Variants in P4HTM observed in about 807,000 individuals in gnomAD.
P4HTM encodes transmembrane prolyl 4-hydroxylase.
A neutral mutation model predicts 55.3 loss-of-function variants in P4HTM; 33 were observed. The observed-to-expected ratio is 0.60, with a 90% CI of 0.45 to 0.80. P4HTM has a LOEUF of 0.80. Ranked by LOEUF, P4HTM falls within the 30% of genes least tolerant of loss-of-function variation. The probability of loss-of-function intolerance (pLI) is 0.00; values close to 1 mark genes in which losing one functional copy is unlikely to be tolerated. For synonymous variants in P4HTM, 272 were observed against 286.4 expected, an observed-to-expected ratio of 0.95 and a Z score of 0.51; for missense variants, 542 against 696.5, an observed-to-expected ratio of 0.78 and a Z score of 2.50.
In P4HTM at chr3:48,998,721, C is replaced by T. The variant is rs112522522; in HGVS notation, c.437-2717C>T. ...TTGTCCTGAAAGGCCTTCGGGGCAC[C>T]GCAGCCAGGGCTGGGGTTGGCAAAC... On this transcript the variant is annotated intron_variant, in intron 2 of 8. Transcript: ENST00000383729. 7.6e-3 allele frequency among the ~76,000 whole-genome samples: 1,154 copies of T among 152,276 alleles called. 9 individuals are homozygous for T. The highest frequency in any genetic ancestry group is 0.026 in the African/African-American group (1,097 of 41,552).
At chr3:48,990,231 CT>C (rs2092926404), upstream of P4HTM, 1 of 1,175,360 alleles carries the variant, frequency 8.5e-7, no homozygotes, top group South Asian at 4.3e-5. This position sits in a 1 kb window ranked among gnomAD's most constrained non-coding sequence, Gnocchi z 7.2. Flanking sequence ...GGCCCCTCCC[CT>C]GGGCGCGCGC....
chr3:48,991,499 G>A (rs1275562926), intron 2 of P4HTM: 2 of 152,482 alleles, frequency 1.3e-5, no homozygotes, highest in Non-Finnish European at 2.9e-5. Context: ...CATCGTTTCT[G>A]AGCTCTAGTT....
At chr3:49,004,516 C>T (rs553331253) in intron 5 of P4HTM, 2 of 560,104 alleles carry the variant, frequency 3.6e-6, no homozygotes, top group South Asian at 2.4e-5. Flanking sequence ...TAAATGACCT[C>T]TTATCTTTGA....
At chr3:49,006,586 A>G in intron 8 of P4HTM, 101 bp from the exon 9 acceptor site, 2 of 899,560 alleles carry the variant, frequency 2.2e-6, no homozygotes, top group Non-Finnish European at 3.6e-6. Flanking sequence ...TTGCTACACA[A>G]GGAATGCATA....
In P4HTM at chr3:49,004,909, G is replaced by A. The variant is rs1367298204; in HGVS notation, c.936G>A (p.Glu312=). 3.1e-6 allele frequency: 5 copies of A among 1,613,376 alleles called. No homozygotes were observed. Among genetic ancestry groups the A allele is most frequent in the Admixed American group, 1.7e-5 (1 of 60,024 alleles). ...RLSPEIVELS[E]PLQVVRYGEG... ...CGCCTGAGATCGTGGAGCTCAGCGAGCCGCTGCAGGTTGTTCGATATGGTG... is the reference window on the plus strand; with the variant it reads ...CGCCTGAGATCGTGGAGCTCAGCGAACCGCTGCAGGTTGTTCGATATGGTG... Residue 312 remains glutamate, a synonymous_variant, in exon 6 of 9, where the codon GAG becomes GAA. Transcript: ENST00000383729.
Position 48,990,731 on chromosome 3 carries a change from CCACT to C in P4HTM, c.355-96_355-93del. The C allele has an allele frequency of 6.7e-7, 1 of 1,489,494 alleles. No individual in the cohort carries two copies. The highest frequency in any genetic ancestry group is 9.1e-7 in the Non-Finnish European group (1 of 1,098,148). The allele number at this position is 1,489,494 out of a possible 1,614,324, so 92.3% of individuals were successfully genotyped here. A position where few individuals can be genotyped will look rare whatever the true frequency, so the allele number is the denominator to read the frequency against. On this transcript the variant is annotated intron_variant, in intron 1 of 8. Coordinates refer to ENST00000383729, the MANE Select transcript of P4HTM (RefSeq NM_177939.3). The surrounding 1 kb of genome is among the most constrained non-coding windows in gnomAD (Gnocchi z 7.2). The stretch of plus-strand genomic sequence containing the variant: ...TGCTCTGCGTCGGTCCCGCGCGCTC[CCACT>C]CACTCGCCTGCTGTCGCTCTCCGGG...
intron 3 of P4HTM, 35 bp downstream of exon 3, chr3:49,001,663 G>C (rs1293499441): frequency 6.4e-7 from 1 of 1,563,002 alleles, no homozygotes; most frequent in Non-Finnish European, 8.7e-7. Flanking sequence ...GCTCAGGGTG[G>C]GAGTGCCCAG....
At chr3:49,004,402 C>T in intron 5 of P4HTM, 142 bp downstream of exon 5, 1 of 899,090 alleles carries the variant, frequency 1.1e-6, no homozygotes, top group Non-Finnish European at 1.6e-6. Context: ...AGGATTGGGA[C>T]CCACTGAAAG....
Position 48,991,127 on chromosome 3 carries a change from G to A in P4HTM, c.436+213G>A, listed in dbSNP as rs1576601866. 8 of 552,246 alleles carry A rather than the reference G, an allele frequency of 1.4e-5. No individual in the cohort carries two copies. In the East Asian group the frequency reaches 2.4e-4, roughly 16 times the overall value. 34.2% of individuals were successfully genotyped at this position (552,246 alleles called of 1,614,324 possible). A position where few individuals can be genotyped will look rare whatever the true frequency, so the allele number is the denominator to read the frequency against. Reference sequence around the variant, plus strand: ...CCTGCAGTCCATTCTTCCATCACAGGGCTGGCAGGGTGAGCCTGAGGCTGG... The same window carrying A: ...CCTGCAGTCCATTCTTCCATCACAGAGCTGGCAGGGTGAGCCTGAGGCTGG... On this transcript the variant is annotated intron_variant, in intron 2 of 8. Coordinates refer to ENST00000383729, the MANE Select transcript of P4HTM (RefSeq NM_177939.3).
Position 49,002,971 on chromosome 3 carries a change from A to G in P4HTM, c.724+375A>G, listed in dbSNP as rs1165046225. 2.7e-6 allele frequency: 1 copy of G among 364,122 alleles called. No homozygotes were observed. The highest frequency in any genetic ancestry group is 5.4e-6 in the Non-Finnish European group (1 of 186,236). 22.6% of individuals were successfully genotyped at this position (364,122 alleles called of 1,614,324 possible). On this transcript the variant is annotated intron_variant, in intron 4 of 8. Transcript: ENST00000383729. This position sits in a 1 kb window ranked among gnomAD's most constrained non-coding sequence, Gnocchi z 4.4. ...CTTGGCTGTTTACCCTGCTCCATCC[A>G]TCTCTCCAGCCAGACACGAGGTCCA...
intron 6 of P4HTM, 61 bp downstream of exon 6, chr3:49,005,107 G>C: frequency 3.1e-6 from 5 of 1,613,454 alleles, no homozygotes; most frequent in Non-Finnish European, 4.2e-6. Context: ...CCATGACACA[G>C]GCACAGCCCT....
chr3:49,006,949 G>A lies in P4HTM; in HGVS notation c.*42G>A. ...GGTTCCCAGCCGCGGGTCGCCAGTT[G>A]CCCAAGATCAGGGGTCCGGCTGTCC... is the stretch of plus-strand genomic sequence containing the variant. On this transcript the variant is annotated 3_prime_UTR_variant, in exon 9 of 9. Transcript: ENST00000383729. 1 of 1,521,418 alleles carries A rather than the reference G, an allele frequency of 6.6e-7. No individual in the cohort carries two copies. Among genetic ancestry groups the A allele is most frequent in the South Asian group, 1.2e-5 (1 of 86,508 alleles). 94.2% of individuals were successfully genotyped at this position (1,521,418 alleles called of 1,614,324 possible). A position where few individuals can be genotyped will look rare whatever the true frequency, so the allele number is the denominator to read the frequency against.
chr3:49,003,219 A>G (rs2092966921), intron 4 of P4HTM: 1 of 200,176 alleles, frequency 5.0e-6, no homozygotes, highest in African/African-American at 2.3e-5. Flanking sequence ...TTCTGGACCA[A>G]GAGAGGAAGA....
chr3:49,005,805 A>G lies in P4HTM; in HGVS notation c.1102A>G (p.Asn368Asp). ...CATGACAGTGCTGTTTTATTTGAAC[A>G]ACGTCACTGGTGGGGGCGAGACTGT... Reference protein sequence around the residue: ...RYMTVLFYLNNVTGGGETVFP... With the variant: ...RYMTVLFYLNDVTGGGETVFP... The change falls in exon 7 of 9, where the codon AAC becomes GAC. Residue 368 changes from asparagine to aspartate, a missense_variant. This residue lies in a region of P4HTM where 536 missense variants were observed against 672.1 expected (regional missense o/e 0.80). Coordinates refer to ENST00000383729, the MANE Select transcript of P4HTM (RefSeq NM_177939.3). 6.3e-7 allele frequency: 1 copy of G among 1,596,356 alleles called. No homozygotes were observed. The highest frequency in any genetic ancestry group is 8.5e-7 in the Non-Finnish European group (1 of 1,172,070).
chr3:48,992,662 CTTTTTTTT>C (rs755087586), intron 2 of P4HTM, among the ~76,000 whole-genome samples: 1 of 89,328 alleles, frequency 1.1e-5, no homozygotes, highest in African/African-American at 4.5e-5. Flanking sequence ...GATTAGAACT[CTTTTTTTT>C]TTTTTTTTTT....
At chr3:49,000,206 C>A (rs2092957259) in intron 2 of P4HTM, among the ~76,000 whole-genome samples, 1 of 152,074 alleles carries the variant, frequency 6.6e-6, no homozygotes, top group South Asian at 2.1e-4. Flanking sequence ...TAGGACAGTG[C>A]CTTGGGCAGA....
rs1013902198 is a variant in P4HTM at position 49,002,575 on chromosome 3, A to G, written c.703A>G (p.Lys235Glu). 19 of 1,613,596 alleles carry G rather than the reference A, an allele frequency of 1.2e-5. No individual in the cohort carries two copies. Among genetic ancestry groups the G allele is most frequent in the Non-Finnish European group, 1.5e-5 (18 of 1,179,468 alleles). The change falls in exon 4 of 9, where the codon AAG (lysine) becomes GAG (glutamate). Residue 235 changes from lysine (K) to glutamate (E), a missense_variant. By Grantham distance (56) the Lys-to-Glu change is moderately conservative. Coordinates refer to ENST00000383729, the MANE Select transcript of P4HTM (RefSeq NM_177939.3). The surrounding 1 kb of genome is among the most constrained non-coding windows in gnomAD (Gnocchi z 4.4). ...CATTCAGGAGATGTACGCCGCGATCAAGGCTGACCCTGATGGTGACGGTGA... is the reference window on the plus strand; with the variant it reads ...CATTCAGGAGATGTACGCCGCGATCGAGGCTGACCCTGATGGTGACGGTGA... ...ESIQEMYAAI[K>E]ADPDGDGVLS...
In P4HTM at chr3:48,999,790, GTTTTC is replaced by G. The variant is rs1261281587; in HGVS notation, c.437-1638_437-1634del. On this transcript the variant is annotated intron_variant, in intron 2 of 8. Transcript: ENST00000383729. The surrounding 1 kb of genome is among the most constrained non-coding windows in gnomAD (Gnocchi z 4.8). ...ATAAACTGAAGAAACCTGGGCCTGT[GTTTTC>G]TTTTCTTTTTCTGGCTTCCTTTTTC... The G allele has an allele frequency of 1.3e-5, 2 of 152,356 alleles. No individual in the cohort carries two copies. Among genetic ancestry groups the G allele is most frequent in the Non-Finnish European group, 2.9e-5 (2 of 68,082 alleles). The allele number at this position is 152,356 out of a possible 1,614,324, so 9.4% of individuals were successfully genotyped here.
intron 6 of P4HTM, chr3:49,005,400 C>T (rs2092974457): frequency 1.4e-6 from 2 of 1,406,092 alleles, no homozygotes; most frequent in Non-Finnish European, 1.8e-6. Flanking sequence ...CTGTGCCTCC[C>T]TCCCCTGTCA....
Sources: gnomAD v4.1 joint callset for allele counts (sites outside exome capture counted in the v4.1 genomes callset) on GRCh38, gnomAD v4.1.1 for gene constraint, gnomAD v4.1.1 regional missense constraint, Gnocchi (gnomAD v3.1) non-coding constraint, MANE v1.5 for transcripts, NCBI Gene and HGNC (gene_info 2026-07-23, HGNC 2026-07-21) for gene names.